Variants in SAMD12 observed in about 807,000 individuals in gnomAD.
SAMD12 encodes sterile alpha motif domain containing 12.
A neutral mutation model predicts 15.0 loss-of-function variants in SAMD12; 9 were observed. That is an observed-to-expected ratio of 0.60 (90% CI 0.36 to 1.05). The LOEUF is 1.05. Ranked by LOEUF, SAMD12 falls within the 50% of genes least tolerant of loss-of-function variation. The pLI is 0.01. For missense variants in SAMD12, 230 were observed against 234.2 expected, an observed-to-expected ratio of 0.98 and a Z score of 0.12; for synonymous variants, 86 against 90.1, an observed-to-expected ratio of 0.96 and a Z score of 0.25.
At chr8:118,147,975 T>C in the SAMD12 span, among the ~76,000 whole-genome samples, 1 of 151,612 alleles carries the variant, frequency 6.6e-6, no homozygotes, top group African/African-American at 2.4e-5. Flanking sequence ...CCACCCAAGC[T>C]GGAGTGCAGT....
chr8:118,429,768 C>A (rs1181114628), intron 3 of SAMD12, among the ~76,000 whole-genome samples: 2 of 152,108 alleles, frequency 1.3e-5, no homozygotes, highest in Non-Finnish European at 2.9e-5. Context: ...GTGGCAGATG[C>A]CTATAATCCC....
At chr8:118,518,540 T>C (rs879734354) in intron 2 of SAMD12, among the ~76,000 whole-genome samples, 10 of 152,208 alleles carry the variant, frequency 6.6e-5, no homozygotes, top group Non-Finnish European at 1.0e-4. Flanking sequence ...GCTCTGTGTT[T>C]CAAGAATTTA....
At chr8:118,155,558 C>T in the SAMD12 span, among the ~76,000 whole-genome samples, 2 of 152,240 alleles carry the variant, frequency 1.3e-5, no homozygotes, top group African/African-American at 2.4e-5. Flanking sequence ...AGAAAGATGC[C>T]CACTGATGTA....
chr8:118,594,838 A>G (rs1827682743), intron 1 of SAMD12, among the ~76,000 whole-genome samples: 1 of 152,192 alleles, frequency 6.6e-6, no homozygotes, highest in African/African-American at 2.4e-5. Context: ...GTTGATATAC[A>G]AGCATCCTTC....
intron 4 of SAMD12, among the ~76,000 whole-genome samples, chr8:118,349,269 G>A (rs1304255428): frequency 6.6e-6 from 1 of 152,184 alleles, no homozygotes; most frequent in Non-Finnish European, 1.5e-5. Flanking sequence ...CTGTATAACT[G>A]AATAATCCTT....
At chr8:118,160,397 T>C in the SAMD12 span, among the ~76,000 whole-genome samples, 1 of 152,182 alleles carries the variant, frequency 6.6e-6, no homozygotes, top group African/African-American at 2.4e-5. Flanking sequence ...CCAAATCAAT[T>C]TTCAAAACGA....
chr8:118,160,760 T>G, the SAMD12 span, among the ~76,000 whole-genome samples: 1 of 152,236 alleles, frequency 6.6e-6, no homozygotes, highest in Non-Finnish European at 1.5e-5. Flanking sequence ...AAAATCTTTA[T>G]AACCTTGGAT....
At chr8:118,543,430 A>G (rs1826037637) in intron 2 of SAMD12, among the ~76,000 whole-genome samples, 1 of 152,074 alleles carries the variant, frequency 6.6e-6, no homozygotes, top group African/African-American at 2.4e-5. Flanking sequence ...TCAAACAAAA[A>G]CGCACCTTTT....
At chr8:118,240,920 A>T (rs1812548605) in intron 4 of SAMD12, among the ~76,000 whole-genome samples, 1 of 152,000 alleles carries the variant, frequency 6.6e-6, no homozygotes, top group Non-Finnish European at 1.5e-5. Context: ...TTGTAATGTA[A>T]TTAAGATTAC....
intron 4 of SAMD12, among the ~76,000 whole-genome samples, chr8:118,234,193 A>G (rs1483549877): frequency 6.6e-6 from 1 of 152,148 alleles, no homozygotes; most frequent in Non-Finnish European, 1.5e-5. Flanking sequence ...AGACTACATG[A>G]AAAAGATTAA....
chr8:118,591,453 T>C (rs1827583761), intron 1 of SAMD12, among the ~76,000 whole-genome samples: 1 of 152,206 alleles, frequency 6.6e-6, no homozygotes, highest in Non-Finnish European at 1.5e-5. Flanking sequence ...ATAACACATA[T>C]AAAATTCTTG....
chr8:118,535,802 C>T (rs766500951), intron 2 of SAMD12, among the ~76,000 whole-genome samples: 18 of 152,186 alleles, frequency 1.2e-4, no homozygotes, highest in Non-Finnish European at 1.9e-4. Context: ...TGGAAAAGCG[C>T]AGTATTAGGG....
At chr8:118,557,051 A>G (rs902954902) in intron 2 of SAMD12, among the ~76,000 whole-genome samples, 4 of 152,192 alleles carry the variant, frequency 2.6e-5, no homozygotes, top group African/African-American at 9.6e-5. Context: ...GGAACAAGCA[A>G]AGAGTGAGGG....
chr8:118,415,563 C>T (rs959002406), intron 3 of SAMD12, among the ~76,000 whole-genome samples: 3 of 150,158 alleles, frequency 2.0e-5, no homozygotes, highest in Non-Finnish European at 4.4e-5. Context: ...TTGACAAAAG[C>T]GTGTAATTAA....
At chr8:118,337,350 T>C (rs1817134540) in intron 4 of SAMD12, among the ~76,000 whole-genome samples, 1 of 152,112 alleles carries the variant, frequency 6.6e-6, no homozygotes, top group Admixed American at 6.5e-5. Context: ...GGTTTTAAGG[T>C]ATTGATTGAT....
downstream of SAMD12, among the ~76,000 whole-genome samples, chr8:118,184,503 CTTTT>C (rs869231070): frequency 3.3e-5 from 4 of 119,468 alleles, no homozygotes; most frequent in South Asian, 8.3e-4. Flanking sequence ...TTCTTTCTTT[CTTTT>C]TTTTCTGAGA....
chr8:118,540,680 T>C (rs867740692), intron 2 of SAMD12, among the ~76,000 whole-genome samples: 2 of 146,024 alleles, frequency 1.4e-5, no homozygotes, highest in African/African-American at 5.0e-5. Flanking sequence ...TCCTTAAGCC[T>C]GCACCATTGC....
chr8:118,389,771 A>G (rs1305759283), intron 3 of SAMD12, among the ~76,000 whole-genome samples: 1 of 151,956 alleles, frequency 6.6e-6, no homozygotes, highest in Non-Finnish European at 1.5e-5. Flanking sequence ...TTTTTTCCCT[A>G]AAATGGGCAA....
At chr8:118,414,465 A>G (rs527360434) in intron 3 of SAMD12, among the ~76,000 whole-genome samples, 2 of 152,334 alleles carry the variant, frequency 1.3e-5, no homozygotes, top group Admixed American at 1.3e-4. Flanking sequence ...TTTATACCCA[A>G]TCTACTTTAA....
Sources: gnomAD v4.1 joint callset for allele counts (sites outside exome capture counted in the v4.1 genomes callset) on GRCh38, gnomAD v4.1.1 for gene constraint, MANE v1.5 for transcripts, NCBI Gene and HGNC (gene_info 2026-07-23, HGNC 2026-07-21) for gene names.